Variants in RNF213 observed in about 807,000 individuals in gnomAD.
The protein encoded by RNF213 is E3 ubiquitin-protein ligase RNF213.
A neutral mutation model predicts 514.4 loss-of-function variants in RNF213; 341 were observed. The ratio of observed to expected loss-of-function variants is 0.66; its 90% CI spans 0.61 to 0.73. The LOEUF (loss-of-function observed/expected upper bound fraction) is 0.73, where lower values mean the gene tolerates loss of function less well. RNF213 is among the 30% of genes least tolerant of loss of function. The pLI is 0.00. For synonymous variants in RNF213, 2,655 were observed against 2,658.2 expected, an observed-to-expected ratio of 1.00 and a Z score of 0.04; for missense variants, 5,767 against 6,615.6, an observed-to-expected ratio of 0.87 and a Z score of 4.45.
chr17:80,304,294 G>A (rs1408164823), intron 11 of RNF213, among the ~76,000 whole-genome samples: 1 of 151,988 alleles, frequency 6.6e-6, no homozygotes, highest in Non-Finnish European at 1.5e-5. Flanking sequence ...ATTATTTAAG[G>A]GCCTTCGCTG....
chr17:80,301,945 T>G (rs956851417), intron 11 of RNF213, among the ~76,000 whole-genome samples: 9 of 152,216 alleles, frequency 5.9e-5, no homozygotes, highest in African/African-American at 2.2e-4. Context: ...GAATACTATT[T>G]GGCCACCAAA....
Position 80,354,161 on chromosome 17 carries a change from G to C in RNF213, c.10721G>C (p.Cys3574Ser). ...GGCCTCTTGAATGAGGATGACGCGT[G>C]CCACGGTATGAGCCTCCCCACCCCT... ...LLGLLNEDDA[C>S]HASFLRVSKM... The change falls in exon 35 of 68, where the codon TGC (cysteine) becomes TCC (serine). Residue 3574 changes from cysteine to serine, a missense_variant. Cys to Ser is a moderately radical substitution (Grantham distance 112). Around this residue, in one of 13 missense-constraint regions of RNF213, gnomAD observed 919 missense variants for 1,121.0 expected, o/e 0.82. Transcript: ENST00000582970. 1 of 1,613,586 alleles carries C rather than the reference G, an allele frequency of 6.2e-7. No homozygotes were observed. Among genetic ancestry groups the C allele is most frequent in the Non-Finnish European group, 8.5e-7 (1 of 1,180,026 alleles).
intron 15 of RNF213, among the ~76,000 whole-genome samples, chr17:80,314,283 CTGGAGGTGATGGTG>C (rs1568053738): frequency 1.8e-5 from 1 of 54,312 alleles, no homozygotes; most frequent in African/African-American, 8.7e-5. Context: ...GGTGGAGGTA[CTGGAGGTGATGGTG>C]GTGGACGTGA....
Position 80,263,932 on chromosome 17 carries a change from A to G in RNF213, c.97+154A>G, listed in dbSNP as rs2043516239. 6.6e-6 allele frequency among the ~76,000 whole-genome samples: 1 copy of G among 152,190 alleles called. No homozygotes were observed. Among genetic ancestry groups the G allele is most frequent in the African/African-American group, 2.4e-5 (1 of 41,452 alleles). On this transcript the variant is annotated intron_variant, in intron 2 of 67. Coordinates refer to ENST00000582970, the MANE Select transcript of RNF213 (RefSeq NM_001256071.3). This position sits in a 1 kb window ranked among gnomAD's most constrained non-coding sequence, Gnocchi z 4.9. ...TGAGGCTCTGTGGCTCTGAATAGCC[A>G]TCTCAAAAGTGACCACAGAGTCTGT...
intron 11 of RNF213, among the ~76,000 whole-genome samples, chr17:80,305,393 G>C (rs1248111997): frequency 6.6e-6 from 1 of 151,550 alleles, no homozygotes; most frequent in Non-Finnish European, 1.5e-5. Flanking sequence ...GGTCAGGCTG[G>C]TCTTGAACTC....
In RNF213 at chr17:80,381,700, C is replaced by CA; in HGVS notation, c.13953dup (p.Glu4652ArgfsTer7). The CA allele has an allele frequency of 6.2e-7, 1 of 1,613,976 alleles. No homozygotes were observed. Among genetic ancestry groups the CA allele is most frequent in the Non-Finnish European group, 8.5e-7 (1 of 1,179,982 alleles). ...CCACCTCGTCCTGCGCAGGCTTCTC[C>CA]AAGAGCAGCACCAGCTCTCTAGCAG... On this transcript the variant is annotated frameshift_variant, in exon 57 of 68. Coordinates refer to ENST00000582970, the MANE Select transcript of RNF213 (RefSeq NM_001256071.3). LOFTEE classifies it high-confidence loss of function.
intron 64 of RNF213, 191 bp from the exon 65 acceptor site, chr17:80,388,982 C>T: frequency 1.6e-6 from 1 of 637,846 alleles, no homozygotes. Flanking sequence ...CATGCGGGTA[C>T]TGATAGGTAG....
At position 80,298,500 on chromosome 17, in the gene RNF213, G is replaced by A. The variant is rs945895886; in HGVS notation, c.2192G>A (p.Arg731Gln). Residue 731 changes from arginine to glutamine, a missense_variant, in exon 11 of 68, where the codon CGG (arginine) becomes CAG (glutamine). This residue lies in a region of RNF213 where 592 missense variants were observed against 673.9 expected (regional missense o/e 0.88). Coordinates refer to ENST00000582970, the MANE Select transcript of RNF213 (RefSeq NM_001256071.3). ...ALEGLSFSPF[R>Q]EQMLDTSSLL... ...GAGGGACTCTCCTTCTCACCGTTCC[G>A]GGAACAAATGCTAGATACGTAAGTC... The A allele has an allele frequency of 3.7e-6, 6 of 1,614,128 alleles. No homozygotes were observed. The highest frequency in any genetic ancestry group is 5.1e-6 in the Non-Finnish European group (6 of 1,180,028).
chr17:80,323,839 G>GGT (rs2046209729), intron 17 of RNF213, among the ~76,000 whole-genome samples: 1 of 148,682 alleles, frequency 6.7e-6, no homozygotes, highest in South Asian at 2.2e-4. Flanking sequence ...TTTTTTGGGG[G>GGT]GGGGTGCTAT....
chr17:80,328,890 A>G (rs2046344252), intron 20 of RNF213, among the ~76,000 whole-genome samples: 3 of 152,232 alleles, frequency 2.0e-5, no homozygotes, highest in South Asian at 2.1e-4. Flanking sequence ...TGAACCACGA[A>G]AGAAACCGTC....
At chr17:80,319,376 C>G in intron 17 of RNF213, 64 bp downstream of exon 17, 1 of 1,614,224 alleles carries the variant, frequency 6.2e-7, no homozygotes, top group Non-Finnish European at 8.5e-7. Context: ...CATGACCCAG[C>G]TAAGGGCTAT....
In RNF213 at chr17:80,377,043, C is replaced by T; in HGVS notation, c.13510+80C>T. The T allele has an allele frequency of 8.7e-7, 1 of 1,151,052 alleles. No homozygotes were observed. The highest frequency in any genetic ancestry group is 1.3e-6 in the Non-Finnish European group (1 of 776,114). 71.3% of individuals were successfully genotyped at this position (1,151,052 alleles called of 1,614,324 possible). Reference sequence around the variant, plus strand: ...AGATGCTATGAAGCATTGGGTTCGACTTGGGGTCCACGTGGTTTGTGCCTC... The same window carrying T: ...AGATGCTATGAAGCATTGGGTTCGATTTGGGGTCCACGTGGTTTGTGCCTC... On this transcript the variant is annotated intron_variant, in intron 53 of 67. Transcript: ENST00000582970. This position sits in a 1 kb window ranked among gnomAD's most constrained non-coding sequence, Gnocchi z 4.1.
At chr17:80,322,952 A>T (rs1305928635) in intron 17 of RNF213, among the ~76,000 whole-genome samples, 1 of 152,168 alleles carries the variant, frequency 6.6e-6, no homozygotes, top group Non-Finnish European at 1.5e-5. Context: ...TCCTTTGCCA[A>T]ATCCTAGGTG....
intron 48 of RNF213, 40 bp downstream of exon 48, chr17:80,372,774 C>T: frequency 6.3e-7 from 1 of 1,587,874 alleles, no homozygotes. Context: ...GGTTTAAAGA[C>T]TCCGTTATTT....
chr17:80,373,255 C>T, intron 49 of RNF213, 90 bp downstream of exon 49: 5 of 68,608 alleles, frequency 7.3e-5, no homozygotes, highest in South Asian at 6.8e-4. Flanking sequence ...TCACACCCTA[C>T]CCCCCCCACA....
intron 3 of RNF213, chr17:80,278,945 C>T (rs904853612): frequency 1.3e-6 from 2 of 1,535,814 alleles, no homozygotes; most frequent in African/African-American, 1.4e-5. Flanking sequence ...AGAATGCTCC[C>T]TGCCCTGGTG....
chr17:80,281,489 C>T, intron 3 of RNF213, among the ~76,000 whole-genome samples: 1 of 139,798 alleles, frequency 7.2e-6, no homozygotes, highest in South Asian at 2.4e-4. Flanking sequence ...CCCCAACATA[C>T]ATACACCCCA....
rs1004505187 is a variant in RNF213, at chr17:80,351,878, TG to T, written c.10303+77del. 1.3e-5 allele frequency: 11 copies of T among 853,908 alleles called. No homozygotes were observed. The Admixed American group carries it at 2.2e-4, about 17-fold the overall frequency. 52.9% of individuals were successfully genotyped at this position (853,908 alleles called of 1,614,324 possible). A position where few individuals can be genotyped will look rare whatever the true frequency, so the allele number is the denominator to read the frequency against. ...ATTTGTATCTATTTATTTTTTGAGATGGAGTCTTGCTCTGTCACCAGGCTGG... is the reference window on the plus strand; with the variant it reads ...ATTTGTATCTATTTATTTTTTGAGATGAGTCTTGCTCTGTCACCAGGCTGG... On this transcript the variant is annotated intron_variant, in intron 32 of 67. Coordinates refer to ENST00000582970, the MANE Select transcript of RNF213 (RefSeq NM_001256071.3).
Position 80,334,444 on chromosome 17 carries a change from C to G in RNF213, c.4309+174C>G, listed in dbSNP as rs2077925353. On this transcript the variant is annotated intron_variant, in intron 22 of 67. Coordinates refer to ENST00000582970, the MANE Select transcript of RNF213 (RefSeq NM_001256071.3). The stretch of plus-strand genomic sequence containing the variant: ...ATGGGCACTGATCATAGAGTTCACA[C>G]CGGTACAGTATTTCCCATGTGCTGC... 3 of 645,902 alleles carry G rather than the reference C, an allele frequency of 4.6e-6. No individual in the cohort carries two copies. The Admixed American group carries it at 9.2e-5, about 20-fold the overall frequency. 40.0% of individuals were successfully genotyped at this position (645,902 alleles called of 1,614,324 possible).
Sources: gnomAD v4.1 joint callset for allele counts (sites outside exome capture counted in the v4.1 genomes callset) on GRCh38, gnomAD v4.1.1 for gene constraint, gnomAD v4.1.1 regional missense constraint, Gnocchi (gnomAD v3.1) non-coding constraint, MANE v1.5 for transcripts, NCBI Gene and HGNC (gene_info 2026-07-23, HGNC 2026-07-21) for gene names.